Variants in DGKI observed in about 807,000 individuals in gnomAD.
DGKI encodes the protein DAG kinase iota.
DGKI carries 55 observed loss-of-function variants against 147.5 expected under a neutral mutation model. The ratio of observed to expected loss-of-function variants is 0.37; its 90% CI spans 0.30 to 0.47. DGKI has a LOEUF of 0.47. Ranked by LOEUF, DGKI falls within the 20% of genes least tolerant of loss-of-function variation. The pLI is 1.00. For synonymous variants in DGKI, 469 were observed against 477.1 expected (o/e 0.98, Z 0.22); for missense variants, 1,007 against 1,323.8 (o/e 0.76, Z 3.71).
chr7:137,803,580 A>G (rs1444240001), intron 1 of DGKI, among the ~76,000 whole-genome samples: 2 of 152,184 alleles, frequency 1.3e-5, no homozygotes, highest in East Asian at 1.9e-4. Flanking sequence ...TCACATTTAT[A>G]TACAGGCATC....
chr7:137,712,140 G>A (rs1794235199), intron 1 of DGKI, among the ~76,000 whole-genome samples: 1 of 152,154 alleles, frequency 6.6e-6, no homozygotes, highest in Admixed American at 6.5e-5. Flanking sequence ...TAAAAAGCAA[G>A]GGAACAATAA....
intron 21 of DGKI, among the ~76,000 whole-genome samples, chr7:137,521,258 G>A (rs1238385043): frequency 1.3e-5 from 2 of 152,024 alleles, no homozygotes; most frequent in African/African-American, 4.8e-5. Flanking sequence ...CTAGTGAGAT[G>A]AACTAACAAT....
intron 1 of DGKI, among the ~76,000 whole-genome samples, chr7:137,750,504 G>A (rs1795464432): frequency 6.6e-6 from 1 of 152,194 alleles, no homozygotes; most frequent in Admixed American, 6.5e-5. Context: ...CTGATTGGCA[G>A]TTAAAAGGAA....
intron 21 of DGKI, among the ~76,000 whole-genome samples, chr7:137,501,601 G>A (rs987748051): frequency 8.5e-5 from 13 of 152,114 alleles, no homozygotes; most frequent in African/African-American, 1.2e-4. Flanking sequence ...CTTGTAGACC[G>A]ACTCTGAGGT....
intron 1 of DGKI, among the ~76,000 whole-genome samples, chr7:137,842,226 AC>A (rs1288651933): frequency 6.6e-6 from 1 of 152,240 alleles, no homozygotes; most frequent in Admixed American, 6.5e-5. Flanking sequence ...ACTATTGATT[AC>A]AATGCAAGGA....
chr7:137,701,030 C>A (rs1450001768), intron 1 of DGKI, among the ~76,000 whole-genome samples: 2 of 152,128 alleles, frequency 1.3e-5, no homozygotes, highest in African/African-American at 4.8e-5. Context: ...TATCATATGG[C>A]CTTTGTTCAT....
rs117331492 is a variant in DGKI, at chr7:137,524,024, C to T, written c.2148-2058G>A. Among the ~76,000 whole-genome samples the T allele has an allele frequency of 4.1e-3, 617 of 151,462 alleles. 10 individuals are homozygous for T. Among genetic ancestry groups the T allele is most frequent in the Non-Finnish European group, 6.7e-3 (454 of 68,002 alleles). ...AATACCAAGAATCCCATGGATTTGACGGCAAAACTATAAAGTCTGGATTGG... is the reference window on the plus strand; with the variant it reads ...AATACCAAGAATCCCATGGATTTGATGGCAAAACTATAAAGTCTGGATTGG... On this transcript the variant is annotated intron_variant, in intron 20 of 32. Transcript: ENST00000614521.
intron 21 of DGKI, among the ~76,000 whole-genome samples, chr7:137,488,703 T>C (rs1359628655): frequency 1.3e-5 from 2 of 152,156 alleles, no homozygotes; most frequent in East Asian, 3.9e-4. Flanking sequence ...TTTAAAGCCA[T>C]CATCCATAAA....
At chr7:137,507,391 G>T (rs1041946074) in intron 21 of DGKI, among the ~76,000 whole-genome samples, 1 of 152,024 alleles carries the variant, frequency 6.6e-6, no homozygotes, top group African/African-American at 2.4e-5. Context: ...AAACTAACAG[G>T]TTCTCTAGAA....
chr7:137,597,524 A>G (rs1165360237), intron 12 of DGKI, among the ~76,000 whole-genome samples: 2 of 152,168 alleles, frequency 1.3e-5, no homozygotes, highest in African/African-American at 2.4e-5. Flanking sequence ...TTAAGAATAA[A>G]TGGAAACAGT....
At chr7:137,720,542 G>A (rs1414157176) in intron 1 of DGKI, among the ~76,000 whole-genome samples, 2 of 152,232 alleles carry the variant, frequency 1.3e-5, no homozygotes, top group East Asian at 3.9e-4. Flanking sequence ...ACAGGTGTGA[G>A]CCACCGCGCC....
intron 21 of DGKI, among the ~76,000 whole-genome samples, chr7:137,488,454 A>G (rs1815646689): frequency 6.6e-6 from 1 of 152,216 alleles, no homozygotes; most frequent in Admixed American, 6.5e-5. Context: ...TTTAGTGTAT[A>G]GAACCTACTT....
rs1038059215 is a variant in DGKI, at chr7:137,487,648, A to G, written c.2290T>C (p.Leu764=). ...GILVVRGDCD[L]ETCRMYIDRL... is the part of the protein sequence containing the mutation. ...TCTATGTACATACGGCAAGTCTCCAAATCACAGTCTCCACGCACAACTAGA... is the reference window on the plus strand; with the variant it reads ...TCTATGTACATACGGCAAGTCTCCAGATCACAGTCTCCACGCACAACTAGA... The change falls in exon 22 of 33, where the codon TTG becomes CTG. Residue 764 remains leucine, a synonymous_variant. Coordinates refer to ENST00000614521, the MANE Select transcript of DGKI (RefSeq NM_001321708.2). 4 of 1,613,732 alleles carry G rather than the reference A, an allele frequency of 2.5e-6. No individual in the cohort carries two copies. In the African/African-American group the frequency reaches 5.3e-5, roughly 22 times the overall value.
chr7:137,633,672 C>T (rs1821213602), intron 6 of DGKI, among the ~76,000 whole-genome samples: 1 of 152,204 alleles, frequency 6.6e-6, no homozygotes, highest in Non-Finnish European at 1.5e-5. Flanking sequence ...AAATTTAACC[C>T]AGTACACTCT....
intron 23 of DGKI, among the ~76,000 whole-genome samples, chr7:137,473,202 T>A (rs1159068567): frequency 6.6e-6 from 1 of 152,162 alleles, no homozygotes; most frequent in Non-Finnish European, 1.5e-5. Context: ...TTATTTACTC[T>A]ACATTTTGAT....
intron 27 of DGKI, among the ~76,000 whole-genome samples, chr7:137,461,520 GAATT>G (rs1814441734): frequency 6.6e-6 from 1 of 152,240 alleles, no homozygotes; most frequent in Non-Finnish European, 1.5e-5. Context: ...AAAAGTTAAA[GAATT>G]AATTAAAAAG....
intron 1 of DGKI, among the ~76,000 whole-genome samples, chr7:137,716,607 C>T (rs1330512980): frequency 6.6e-6 from 1 of 152,198 alleles, no homozygotes; most frequent in Non-Finnish European, 1.5e-5. Context: ...CTGCTGAACA[C>T]ATGCAGGGTG....
At chr7:137,726,238 C>G (rs192544692) in intron 1 of DGKI, among the ~76,000 whole-genome samples, 1 of 152,272 alleles carries the variant, frequency 6.6e-6, no homozygotes, top group East Asian at 1.9e-4. Flanking sequence ...TGAATGAATG[C>G]AGTCAATTCT....
rs775814446 is a variant in DGKI at position 137,846,134 on chromosome 7, T to TTCTCTCTCTCTCTC, written c.401+314_401+327dup. Among the ~76,000 whole-genome samples, 1,042 of 85,010 alleles carry TTCTCTCTCTCTCTC rather than the reference T, an allele frequency of 0.012. 20 individuals are homozygous for TTCTCTCTCTCTCTC. The highest frequency in any genetic ancestry group is 0.062 in the East Asian group (152 of 2,446). The allele number at this position is 85,010 out of a possible 152,430, so 55.8% of individuals were successfully genotyped here. A position where few individuals can be genotyped will look rare whatever the true frequency, so the allele number is the denominator to read the frequency against. On this transcript the variant is annotated intron_variant, in intron 1 of 32. Coordinates refer to ENST00000614521, the MANE Select transcript of DGKI (RefSeq NM_001321708.2). This position sits in a 1 kb window ranked among gnomAD's most constrained non-coding sequence, Gnocchi z 4.0. ...TCTGCAACCCTTTCTCTCTCTCTCT[T>TTCTCTCTCTCTCTC]TCTCTCTCTCTCTCTCTCTCTCTCT...
Sources: gnomAD v4.1 joint callset for allele counts (sites outside exome capture counted in the v4.1 genomes callset) on GRCh38, gnomAD v4.1.1 for gene constraint, Gnocchi (gnomAD v3.1) non-coding constraint, MANE v1.5 for transcripts, NCBI Gene and HGNC (gene_info 2026-07-23, HGNC 2026-07-21) for gene names.